Variants in TXNRD1 observed in about 807,000 individuals in gnomAD.
TXNRD1 encodes the protein thioredoxin reductase 1, cytoplasmic.
TXNRD1 carries 57 observed loss-of-function variants against 80.3 expected under a neutral mutation model. The observed-to-expected ratio is 0.71, with a 90% CI of 0.57 to 0.89. The LOEUF (loss-of-function observed/expected upper bound fraction) is 0.89, where lower values mean the gene tolerates loss of function less well. TXNRD1 is among the 40% of genes least tolerant of loss of function. TXNRD1 has a pLI of 0.00. For missense variants in TXNRD1, 730 were observed against 803.0 expected (o/e 0.91, Z 1.10); for synonymous variants, 291 against 285.2 (o/e 1.02, Z -0.20).
At position 104,254,590 on chromosome 12, in the gene TXNRD1, G is replaced by A. The variant is rs971229657; in HGVS notation, c.243+2912G>A. Among the ~76,000 whole-genome samples the A allele has an allele frequency of 1.3e-4, 17 of 131,208 alleles. No homozygotes were observed. The South Asian group carries it at 1.7e-3, about 13-fold the overall frequency. The allele number at this position is 131,208 out of a possible 152,430, so 86.1% of individuals were successfully genotyped here. A position where few individuals can be genotyped will look rare whatever the true frequency, so the allele number is the denominator to read the frequency against. Reference sequence around the variant, plus strand: ...GAGGTTCACCTGAAGCCAGGAGTTCGAGACCAGTCTGGGCAGCATAACAAG... The same window carrying A: ...GAGGTTCACCTGAAGCCAGGAGTTCAAGACCAGTCTGGGCAGCATAACAAG... On this transcript the variant is annotated intron_variant, in intron 2 of 16. Coordinates refer to ENST00000525566, the MANE Select transcript of TXNRD1 (RefSeq NM_001093771.3).
chr12:104,257,115 G>A (rs550289728), intron 2 of TXNRD1, among the ~76,000 whole-genome samples: 54 of 151,074 alleles, frequency 3.6e-4, no homozygotes, highest in Middle Eastern at 3.4e-3. Flanking sequence ...GGCTGTTTGT[G>A]TCTTGTACAT....
intron 1 of TXNRD1, among the ~76,000 whole-genome samples, chr12:104,236,323 A>G (rs2032736035): frequency 6.6e-6 from 1 of 151,938 alleles, no homozygotes; most frequent in Admixed American, 6.6e-5. Flanking sequence ...GCTTCCTATC[A>G]CTCCTTTGAA....
chr12:104,243,531 A>G (rs542553098), intron 1 of TXNRD1, among the ~76,000 whole-genome samples: 2 of 152,250 alleles, frequency 1.3e-5, no homozygotes, highest in Middle Eastern at 3.4e-3. Flanking sequence ...AATAATTCTT[A>G]CTTTGTTAAA....
intron 4 of TXNRD1, among the ~76,000 whole-genome samples, chr12:104,298,714 ACT>A (rs1167342494): frequency 6.6e-6 from 1 of 151,910 alleles, no homozygotes; most frequent in Non-Finnish European, 1.5e-5. Flanking sequence ...ACCAAGCGAG[ACT>A]CTATCTAAAA....
intron 3 of TXNRD1, chr12:104,285,857 C>T (rs575227724): frequency 2.0e-5 from 3 of 152,292 alleles, no homozygotes; most frequent in South Asian, 2.1e-4. Context: ...TCAACACCCA[C>T]GTACTAGATC....
chr12:104,242,467 G>A (rs1468285681), intron 1 of TXNRD1, among the ~76,000 whole-genome samples: 3 of 151,732 alleles, frequency 2.0e-5, no homozygotes, highest in Non-Finnish European at 4.4e-5. Context: ...AGAATCGCTT[G>A]AACCTGGGAG....
chr12:104,338,515 C>T (rs1187648977), intron 15 of TXNRD1, among the ~76,000 whole-genome samples: 3 of 151,070 alleles, frequency 2.0e-5, no homozygotes, highest in Non-Finnish European at 3.0e-5. Context: ...GCCAACATGG[C>T]GAAACCCCGT....
At position 104,339,266 on chromosome 12, in the gene TXNRD1, G is replaced by A; in HGVS notation, c.1874G>A (p.Cys625Tyr). 1 of 1,613,800 alleles carries A rather than the reference G, an allele frequency of 6.2e-7. No individual in the cohort carries two copies. The highest frequency in any genetic ancestry group is 1.1e-5 in the South Asian group (1 of 91,058). Residue 625 changes from cysteine (C) to tyrosine (Y), a missense_variant, in exon 16 of 17, where the codon TGT becomes TAT. Transcript: ENST00000525566. ...AGCACAATTGGAATCCACCCTGTCT[G>A]TGCAGAGGTGGGTCATCTACACTTA... Reference protein sequence around the residue: ...LDSTIGIHPVCAEVFTTLSVT... With the variant: ...LDSTIGIHPVYAEVFTTLSVT...
intron 10 of TXNRD1, among the ~76,000 whole-genome samples, chr12:104,322,837 G>A (rs1368841379): frequency 6.8e-6 from 1 of 148,002 alleles, no homozygotes; most frequent in Non-Finnish European, 1.5e-5. Context: ...ATAATTCTTG[G>A]GTGTTTCTCA....
intron 13 of TXNRD1, among the ~76,000 whole-genome samples, chr12:104,329,975 G>A (rs1565908475): frequency 6.6e-6 from 1 of 152,166 alleles, no homozygotes; most frequent in African/African-American, 2.4e-5. Context: ...CCTCTTGGTC[G>A]ATGTCTTAAA....
At chr12:104,269,805 G>A (rs575546940) in intron 3 of TXNRD1, among the ~76,000 whole-genome samples, 16 of 152,110 alleles carry the variant, frequency 1.1e-4, no homozygotes, top group African/African-American at 3.9e-4. Context: ...TCCTGACCTC[G>A]TGATCCGCCT....
chr12:104,230,016 A>G (rs1013280803), intron 1 of TXNRD1, among the ~76,000 whole-genome samples: 1 of 152,052 alleles, frequency 6.6e-6, no homozygotes, highest in Non-Finnish European at 1.5e-5. Flanking sequence ...TATTTATCTT[A>G]GGCATATACT....
intron 1 of TXNRD1, among the ~76,000 whole-genome samples, chr12:104,248,403 A>C (rs113232310): frequency 4.2e-4 from 64 of 152,056 alleles, no homozygotes; most frequent in African/African-American, 1.5e-3. Flanking sequence ...TCCTGCCTCA[A>C]CCTCCCAAGT....
At chr12:104,278,079 G>C (rs1284436646) in intron 3 of TXNRD1, among the ~76,000 whole-genome samples, 1 of 150,688 alleles carries the variant, frequency 6.6e-6, no homozygotes, top group Non-Finnish European at 1.5e-5. Flanking sequence ...GGGTTTCATC[G>C]TGTTAGCTGG....
intron 2 of TXNRD1, among the ~76,000 whole-genome samples, chr12:104,252,185 G>A (rs1762927543): frequency 6.6e-6 from 1 of 151,944 alleles, no homozygotes; most frequent in Non-Finnish European, 1.5e-5. Flanking sequence ...TGGGAAGTAT[G>A]AGACATATTC....
chr12:104,312,043 G>T (rs981841744), intron 5 of TXNRD1, among the ~76,000 whole-genome samples: 1 of 151,714 alleles, frequency 6.6e-6, no homozygotes, highest in Admixed American at 6.6e-5. Context: ...TATGGGTATT[G>T]TGTGGAAATG....
chr12:104,316,836 A>G (rs1198925442), intron 7 of TXNRD1, among the ~76,000 whole-genome samples: 1 of 152,222 alleles, frequency 6.6e-6, no homozygotes, highest in Non-Finnish European at 1.5e-5. Flanking sequence ...TTTGAGACCT[A>G]TGCATTATGG....
intron 11 of TXNRD1, 95 bp downstream of exon 11, chr12:104,325,524 C>G (rs565565693): frequency 1.1e-6 from 1 of 873,038 alleles, no homozygotes; most frequent in Admixed American, 2.1e-5. Flanking sequence ...TAGTGATTTC[C>G]AAATGTACTG....
intron 3 of TXNRD1, among the ~76,000 whole-genome samples, chr12:104,273,058 C>T (rs1006339929): frequency 6.6e-6 from 1 of 152,120 alleles, no homozygotes; most frequent in African/African-American, 2.4e-5. Flanking sequence ...AAGAAGCCGC[C>T]ATGTCTGCAT....
Sources: gnomAD v4.1 joint callset for allele counts (sites outside exome capture counted in the v4.1 genomes callset) on GRCh38, gnomAD v4.1.1 for gene constraint, MANE v1.5 for transcripts, NCBI Gene and HGNC (gene_info 2026-07-23, HGNC 2026-07-21) for gene names.